The following HSD17B12 variants were observed in gnomAD, a reference collection of about 807,000 sequenced individuals.
HSD17B12 encodes the protein hydroxysteroid 17-beta dehydrogenase 12, also known as very-long-chain 3-oxoacyl-CoA reductase.
In HSD17B12, 32 loss-of-function variants were observed where a neutral mutation model predicts 39.3. The ratio of observed to expected loss-of-function variants is 0.81; its 90% confidence interval spans 0.61 to 1.09. The LOEUF is 1.09. HSD17B12 is among the 50% of genes least tolerant of loss of function. HSD17B12 has a pLI of 0.00. For missense variants in HSD17B12, 342 were observed against 382.9 expected (o/e 0.89, Z 0.89); for synonymous variants, 150 against 146.7 (o/e 1.02, Z -0.16).
chr11:43,558,852 G>C, the HSD17B12 span, among the ~76,000 whole-genome samples: 1 of 152,090 alleles, frequency 6.6e-6, no homozygotes, highest in Admixed American at 6.5e-5. Context: ...AGGGTGCTTG[G>C]AAGATAGAAT....
At chr11:43,790,845 T>C (rs1950861208) in intron 3 of HSD17B12, among the ~76,000 whole-genome samples, 1 of 151,604 alleles carries the variant, frequency 6.6e-6, no homozygotes, top group Non-Finnish European at 1.5e-5. Flanking sequence ...AATACAAAAA[T>C]TAACAGGGCA....
At chr11:43,652,037 A>G in the HSD17B12 span, among the ~76,000 whole-genome samples, 1 of 152,188 alleles carries the variant, frequency 6.6e-6, no homozygotes, top group Non-Finnish European at 1.5e-5. Context: ...TGGAAGACTC[A>G]ATGTTGTTAA....
chr11:43,701,408 C>T (rs759905788), intron 1 of HSD17B12, among the ~76,000 whole-genome samples: 1 of 152,114 alleles, frequency 6.6e-6, no homozygotes, highest in Non-Finnish European at 1.5e-5. Flanking sequence ...AACTTTTTGC[C>T]CAGACTAATG....
At chr11:43,759,966 G>A (rs1164267929) in intron 3 of HSD17B12, among the ~76,000 whole-genome samples, 3 of 151,844 alleles carry the variant, frequency 2.0e-5, no homozygotes, top group African/African-American at 2.4e-5. Context: ...CACGATCTTG[G>A]CTCACTGCAA....
At chr11:43,584,367 C>G in the HSD17B12 span, among the ~76,000 whole-genome samples, 1 of 152,194 alleles carries the variant, frequency 6.6e-6, no homozygotes, top group South Asian at 2.1e-4. Context: ...GCTTTGTGGG[C>G]ATCTCTGGAA....
chr11:43,780,259 G>C (rs766763466), intron 3 of HSD17B12, among the ~76,000 whole-genome samples: 3 of 152,168 alleles, frequency 2.0e-5, no homozygotes, highest in Non-Finnish European at 4.4e-5. Flanking sequence ...TCCGCCTCTT[G>C]AGTTCAAGCG....
At chr11:43,633,721 C>T in the HSD17B12 span, among the ~76,000 whole-genome samples, 1 of 151,988 alleles carries the variant, frequency 6.6e-6, no homozygotes, top group African/African-American at 2.4e-5. Context: ...ATCAAGAGAG[C>T]TTCAAGTTTC....
the HSD17B12 span, among the ~76,000 whole-genome samples, chr11:43,580,578 A>AT: frequency 6.6e-6 from 1 of 151,788 alleles, no homozygotes; most frequent in African/African-American, 2.4e-5. Flanking sequence ...GTTTGGGTTT[A>AT]TTTTATGTTC....
the HSD17B12 span, among the ~76,000 whole-genome samples, chr11:43,632,412 A>G: frequency 6.6e-5 from 10 of 152,332 alleles, no homozygotes; most frequent in Non-Finnish European, 8.8e-5. Context: ...CACAGCATGG[A>G]ACTATTTAAC....
chr11:43,619,212 T>TAA, the HSD17B12 span, among the ~76,000 whole-genome samples: 1 of 38,206 alleles, frequency 2.6e-5, no homozygotes, highest in African/African-American at 8.5e-5. Context: ...TATATATATA[T>TAA]AAAATATATA....
At chr11:43,593,098 C>T in the HSD17B12 span, among the ~76,000 whole-genome samples, 4 of 152,174 alleles carry the variant, frequency 2.6e-5, no homozygotes, top group African/African-American at 9.7e-5. Flanking sequence ...ATTTCATGGT[C>T]TTTCTTTTGT....
At chr11:43,701,856 T>C (rs1949968051) in intron 1 of HSD17B12, among the ~76,000 whole-genome samples, 1 of 152,260 alleles carries the variant, frequency 6.6e-6, no homozygotes, top group Admixed American at 6.5e-5. Flanking sequence ...TTTTTTCTAT[T>C]TCTGTGTAGA....
the HSD17B12 span, among the ~76,000 whole-genome samples, chr11:43,575,351 G>GGA: frequency 5.3e-5 from 8 of 152,246 alleles, no homozygotes; most frequent in African/African-American, 1.9e-4. The surrounding 1 kb of genome is among the most constrained non-coding windows in gnomAD (Gnocchi z 4.1). Flanking sequence ...CGTCACTCGA[G>GGA]GAGCCGGGGC....
intron 1 of HSD17B12, among the ~76,000 whole-genome samples, chr11:43,689,277 C>T (rs1218875348): frequency 6.6e-6 from 1 of 152,208 alleles, no homozygotes; most frequent in African/African-American, 2.4e-5. Flanking sequence ...TGACTCTGAA[C>T]TTCAAAATAT....
chr11:43,797,493 C>T (rs1460336633), intron 3 of HSD17B12, among the ~76,000 whole-genome samples: 1 of 152,106 alleles, frequency 6.6e-6, no homozygotes, highest in African/African-American at 2.4e-5. Flanking sequence ...TGGTGAGGCT[C>T]AAAGAGGATG....
upstream of HSD17B12, among the ~76,000 whole-genome samples, chr11:43,676,871 T>C (rs1181154546): frequency 6.6e-6 from 1 of 152,182 alleles, no homozygotes; most frequent in Non-Finnish European, 1.5e-5. Flanking sequence ...CACCCTATTC[T>C]AAGGAGAATG....
At chr11:43,737,058 G>A (rs924254558) in intron 1 of HSD17B12, among the ~76,000 whole-genome samples, 2 of 152,186 alleles carry the variant, frequency 1.3e-5, no homozygotes, top group Non-Finnish European at 2.9e-5. Context: ...GTTTGCGGCA[G>A]TATTAATCTT....
the HSD17B12 span, among the ~76,000 whole-genome samples, chr11:43,598,863 G>A: frequency 3.9e-5 from 6 of 152,186 alleles, no homozygotes; most frequent in Admixed American, 3.9e-4. Flanking sequence ...GGGTGGCACT[G>A]TCATACCACA....
chr11:43,827,074 T>G (rs557746413), intron 6 of HSD17B12, among the ~76,000 whole-genome samples: 66 of 152,326 alleles, frequency 4.3e-4, no homozygotes, highest in Non-Finnish European at 2.9e-4. Context: ...GTAAGCAGGT[T>G]TCTTTGGGGT....
Sources: allele counts gnomAD v4.1 joint callset (sites outside exome capture counted in the v4.1 genomes callset), GRCh38; gene constraint gnomAD v4.1.1; non-coding constraint Gnocchi (gnomAD v3.1); transcripts MANE v1.5; gene names NCBI Gene and HGNC (gene_info 2026-07-23, HGNC 2026-07-21).